The following RAP1GAP variants were observed in gnomAD, a reference collection of about 807,000 sequenced individuals.
The protein encoded by RAP1GAP is rap1 GTPase-activating protein 1.
In RAP1GAP, 35 loss-of-function variants were observed where a neutral mutation model predicts 87.2. That is an observed-to-expected ratio of 0.40 (90% CI 0.31 to 0.53). The LOEUF is 0.53. Ranked by LOEUF, RAP1GAP falls within the 20% of genes least tolerant of loss-of-function variation. The pLI, the probability that RAP1GAP is intolerant of heterozygous loss-of-function variation, is 0.48. For synonymous variants in RAP1GAP, 375 were observed against 363.9 expected, an observed-to-expected ratio of 1.03 and a Z score of -0.35; for missense variants, 734 against 898.9, an observed-to-expected ratio of 0.82 and a Z score of 2.35.
At chr1:21,627,071 C>G in intron 2 of RAP1GAP, 1 of 447,782 alleles carries the variant, frequency 2.2e-6, no homozygotes, top group Non-Finnish European at 4.5e-6. Flanking sequence ...GGAAAGAAAG[C>G]AGGTCTGGCG....
intron 20 of RAP1GAP, 137 bp from the exon 21 acceptor site, chr1:21,599,754 T>C: frequency 2.4e-6 from 3 of 1,240,488 alleles, no homozygotes; most frequent in South Asian, 3.1e-5. Context: ...TTACAGATCC[T>C]TGGGCCTCTG....
intron 1 of RAP1GAP, among the ~76,000 whole-genome samples, chr1:21,659,517 G>A (rs904871879): frequency 4.6e-5 from 7 of 152,116 alleles, no homozygotes; most frequent in Admixed American, 2.6e-4. Flanking sequence ...TCACAAGGGC[G>A]CACCTGCGCC....
At chr1:21,601,286 C>G (rs185226083) in intron 20 of RAP1GAP, among the ~76,000 whole-genome samples, 114 of 152,020 alleles carry the variant, frequency 7.5e-4, no homozygotes, top group Non-Finnish European at 5.4e-4. Context: ...GGTTCAGTTC[C>G]CAATTCAAAT....
intron 21 of RAP1GAP, 127 bp from the exon 22 acceptor site, chr1:21,598,629 G>T: frequency 1.3e-6 from 1 of 767,598 alleles, no homozygotes; most frequent in East Asian, 2.7e-5. Context: ...CGAGGAGGAC[G>T]GGCCTAGCCA....
intron 1 of RAP1GAP, among the ~76,000 whole-genome samples, chr1:21,654,174 T>G (rs1380459187): frequency 6.6e-6 from 1 of 152,232 alleles, no homozygotes; most frequent in East Asian, 1.9e-4. Context: ...GACCAGCTCC[T>G]GGTCCTTTGG....
intron 2 of RAP1GAP, among the ~76,000 whole-genome samples, chr1:21,638,676 CT>C (rs1186011450): frequency 6.6e-6 from 1 of 152,180 alleles, no homozygotes; most frequent in East Asian, 1.9e-4. Flanking sequence ...GTGGCAAATA[CT>C]TTTCTGCACG....
intron 1 of RAP1GAP, chr1:21,651,797 G>A (rs2096593819): frequency 1.5e-6 from 2 of 1,364,008 alleles, no homozygotes; most frequent in African/African-American, 1.5e-5. Context: ...GGCCCCGAAG[G>A]TGAAGCTGCG....
Position 21,612,018 on chromosome 1 carries a change from G to A in RAP1GAP, c.612+8C>T. The A allele has an allele frequency of 6.5e-7, 1 of 1,544,654 alleles. No individual in the cohort carries two copies. The highest frequency in any genetic ancestry group is 2.4e-5 in the East Asian group (1 of 41,450). ...TGGGGAGGGGCGGCAGGGAGGAGGT[G>A]AGCACACCTGCCCAAGCTTCTGATA... On this transcript the variant is annotated splice_region_variant and intron_variant, in intron 11 of 24. Transcript: ENST00000374765.
chr1:21,599,667 G>A (rs777541632), intron 20 of RAP1GAP, 50 bp from the exon 21 acceptor site: 1 of 1,574,116 alleles, frequency 6.4e-7, no homozygotes, highest in Non-Finnish European at 8.6e-7. Flanking sequence ...AGCCCCTCCT[G>A]GGCCAGGCCC....
At chr1:21,597,934 G>A (rs1259795651) in intron 23 of RAP1GAP, 27 bp downstream of exon 23, 3 of 1,550,504 alleles carry the variant, frequency 1.9e-6, no homozygotes, top group Non-Finnish European at 2.6e-6. Context: ...GGCTCCCTCA[G>A]CACCAGCCCC....
At chr1:21,647,483 C>A (rs971138832) in intron 2 of RAP1GAP, among the ~76,000 whole-genome samples, 20 of 152,122 alleles carry the variant, frequency 1.3e-4, no homozygotes, top group Admixed American at 7.9e-4. Flanking sequence ...AAAAAGCGAC[C>A]AAGCACCTCT....
rs150571992 is a variant in RAP1GAP at position 21,640,553 on chromosome 1, T to C, written c.-113+9208A>G. Among the ~76,000 whole-genome samples the C allele has an allele frequency of 1.7e-4, 26 of 152,294 alleles. 1 individual carries two copies. In the East Asian group the frequency reaches 5.0e-3, roughly 29 times the overall value. ...GAAATATGTGTGTGTGTACATGTAATGGGTCATCTCAAAGAACCTTTCCTC... is the reference window on the plus strand; with the variant it reads ...GAAATATGTGTGTGTGTACATGTAACGGGTCATCTCAAAGAACCTTTCCTC... On this transcript the variant is annotated intron_variant, in intron 2 of 24. Coordinates refer to ENST00000374765, the MANE Select transcript of RAP1GAP (RefSeq NM_002885.4).
At chr1:21,652,964 G>C (rs2096679655) in intron 1 of RAP1GAP, among the ~76,000 whole-genome samples, 1 of 152,210 alleles carries the variant, frequency 6.6e-6, no homozygotes, top group Non-Finnish European at 1.5e-5. Context: ...CACAGATGCA[G>C]CCGGGGATGA....
rs2097450406 is a variant in RAP1GAP, at chr1:21,668,422, C to T, written c.-149+832G>A. On this transcript the variant is annotated intron_variant, in intron 1 of 24. Coordinates refer to ENST00000374765, the MANE Select transcript of RAP1GAP (RefSeq NM_002885.4). This position sits in a 1 kb window ranked among gnomAD's most constrained non-coding sequence, Gnocchi z 6.2. ...AGAACAGTGGATGTTCTTCCTGACC[C>T]CACCACCGGGCCTGTGCTATGACCC... The T allele has an allele frequency of 6.6e-6, 1 of 152,396 alleles. No homozygotes were observed. Among genetic ancestry groups the T allele is most frequent in the South Asian group, 2.1e-4 (1 of 4,840 alleles). 9.4% of individuals were successfully genotyped at this position (152,396 alleles called of 1,614,324 possible). A position where few individuals can be genotyped will look rare whatever the true frequency, so the allele number is the denominator to read the frequency against.
At chr1:21,601,251 C>T (rs2068146515) in intron 20 of RAP1GAP, among the ~76,000 whole-genome samples, 3 of 152,154 alleles carry the variant, frequency 2.0e-5, no homozygotes, top group Non-Finnish European at 4.4e-5. Context: ...CCGAGCTCCT[C>T]TGCCATGCCA....
intron 1 of RAP1GAP, among the ~76,000 whole-genome samples, chr1:21,659,775 A>T (rs1046547543): frequency 6.6e-6 from 1 of 152,204 alleles, no homozygotes; most frequent in Non-Finnish European, 1.5e-5. Context: ...GCTCAGTGGC[A>T]CAGCCCCTTC....
rs147737504 is a variant in RAP1GAP at position 21,629,420 on chromosome 1, A to T, written c.-112-3023T>A. The stretch of plus-strand genomic sequence containing the variant: ...TGTGTAGGTGTCCATTTCACTCAGG[A>T]TTGCTCATGTGGGTGCAGAACCAGA... On this transcript the variant is annotated intron_variant, in intron 2 of 24. Coordinates refer to ENST00000374765, the MANE Select transcript of RAP1GAP (RefSeq NM_002885.4). Among the ~76,000 whole-genome samples the T allele has an allele frequency of 5.1e-3, 777 of 152,168 alleles. 9 individuals carry two copies. The highest frequency in any genetic ancestry group is 0.018 in the African/African-American group (734 of 41,526).
intron 1 of RAP1GAP, among the ~76,000 whole-genome samples, chr1:21,663,037 A>G (rs6657797): frequency 0.054 from 8,149 of 152,156 alleles, 232 homozygotes; most frequent in African/African-American, 0.057. Flanking sequence ...CCTGACTGCC[A>G]TTGGGTGGGC....
At chr1:21,651,654 C>G in intron 1 of RAP1GAP, 2 of 999,204 alleles carry the variant, frequency 2.0e-6, no homozygotes, top group Non-Finnish European at 3.0e-6. Context: ...AAACGCTCAG[C>G]CCCCACAGCA....
Sources: gnomAD v4.1 joint callset for allele counts (sites outside exome capture counted in the v4.1 genomes callset) on GRCh38, gnomAD v4.1.1 for gene constraint, Gnocchi (gnomAD v3.1) non-coding constraint, MANE v1.5 for transcripts, NCBI Gene and HGNC (gene_info 2026-07-23, HGNC 2026-07-21) for gene names.